Variants in CPNE9 observed in about 807,000 individuals in gnomAD.
CPNE9 encodes the protein copine family member 9.
Under a neutral mutation model 83.0 loss-of-function variants are expected in CPNE9, and 59 were observed. The observed-to-expected ratio is 0.71, with a 90% CI of 0.58 to 0.88. CPNE9 has a LOEUF of 0.88. CPNE9 is among the 40% of genes least tolerant of loss of function. The pLI, the probability that CPNE9 is intolerant of heterozygous loss-of-function variation, is 0.00. For missense variants in CPNE9, 619 were observed against 720.8 expected, an observed-to-expected ratio of 0.86 and a Z score of 1.62; for synonymous variants, 256 against 273.4, an observed-to-expected ratio of 0.94 and a Z score of 0.63.
intron 17 of CPNE9, among the ~76,000 whole-genome samples, chr3:9,719,501 G>A (rs947444639): frequency 6.6e-6 from 1 of 152,072 alleles, no homozygotes; most frequent in Non-Finnish European, 1.5e-5. Flanking sequence ...AAGCAACTTC[G>A]CCTCTTTAAG....
chr3:9,715,844 G>T, intron 13 of CPNE9, 130 bp from the exon 14 acceptor site: 2 of 746,472 alleles, frequency 2.7e-6, no homozygotes, highest in South Asian at 1.7e-5. Context: ...GGGTGGGACT[G>T]ACTGGGGGAG....
At chr3:9,727,552 C>A (rs941415464) in intron 20 of CPNE9, 16 of 617,998 alleles carry the variant, frequency 2.6e-5, no homozygotes, top group Non-Finnish European at 4.4e-5. Flanking sequence ...GGAAAGGGTT[C>A]TTTAGCTTGC....
chr3:9,722,215 G>A (rs545830401), intron 17 of CPNE9, among the ~76,000 whole-genome samples: 2 of 144,348 alleles, frequency 1.4e-5, no homozygotes, highest in African/African-American at 5.3e-5. Flanking sequence ...ATGAGCCACT[G>A]TCCCCGGCCA....
chr3:9,705,078 C>A (rs1351101730), intron 4 of CPNE9, 84 bp downstream of exon 4: 1 of 1,017,018 alleles, frequency 9.8e-7, no homozygotes, highest in Admixed American at 2.0e-5. Flanking sequence ...CCCCGCCTCG[C>A]CTCCGGCCTG....
At chr3:9,718,314 A>T in intron 16 of CPNE9, 104 bp downstream of exon 16, 1 of 1,395,826 alleles carries the variant, frequency 7.2e-7, no homozygotes, top group Non-Finnish European at 9.8e-7. Context: ...GTAGAGGAAC[A>T]GGAAGCTATG....
chr3:9,711,091 G>T (rs913133717), intron 7 of CPNE9, among the ~76,000 whole-genome samples: 21 of 152,184 alleles, frequency 1.4e-4, no homozygotes, highest in Non-Finnish European at 3.1e-4. Context: ...TATAATCACT[G>T]ACTGGAATTC....
chr3:9,716,121 T>A (rs2076681995), intron 14 of CPNE9, 86 bp downstream of exon 14: 1 of 1,207,762 alleles, frequency 8.3e-7, no homozygotes, highest in Non-Finnish European at 1.2e-6. Context: ...TTATGAATGG[T>A]CAGGGCCCAG....
intron 13 of CPNE9, 49 bp from the exon 14 acceptor site, chr3:9,715,924 AC>A: frequency 6.4e-7 from 1 of 1,551,598 alleles, no homozygotes. Context: ...TCCTTCTGCC[AC>A]CCCAACTGCC....
Position 9,729,907 on chromosome 3 carries a change from C to A in CPNE9, c.*215C>A. ...CCAATAATAAAGCTGATCTTTATTC[C>A]ACCTCTGTCTCATGCATGTTGGCGA... On this transcript the variant is annotated 3_prime_UTR_variant, in exon 21 of 21. Transcript: ENST00000383832. 1.7e-6 allele frequency: 1 copy of A among 603,842 alleles called. No individual in the cohort carries two copies. Among genetic ancestry groups the A allele is most frequent in the Non-Finnish European group, 2.7e-6 (1 of 371,720 alleles). The allele number at this position is 603,842 out of a possible 1,614,324, so 37.4% of individuals were successfully genotyped here.
intron 7 of CPNE9, 55 bp from the exon 8 acceptor site, chr3:9,712,486 C>T: frequency 6.8e-7 from 1 of 1,466,106 alleles, no homozygotes; most frequent in Non-Finnish European, 9.6e-7. Flanking sequence ...ACTGGCCACT[C>T]AATCCTTGTT....
chr3:9,719,129 G>C (rs2076711906), intron 17 of CPNE9, among the ~76,000 whole-genome samples: 1 of 151,916 alleles, frequency 6.6e-6, no homozygotes. Context: ...ATGCCACCAT[G>C]CCTGGCTCAT....
chr3:9,705,314 G>T, intron 4 of CPNE9, 150 bp from the exon 5 acceptor site: 1 of 675,284 alleles, frequency 1.5e-6, no homozygotes, highest in South Asian at 1.8e-5. Flanking sequence ...AGCCCACCCT[G>T]ACTCCTCCCC....
chr3:9,721,767 G>A (rs2076736126), intron 17 of CPNE9, among the ~76,000 whole-genome samples: 1 of 152,152 alleles, frequency 6.6e-6, no homozygotes, highest in Non-Finnish European at 1.5e-5. Flanking sequence ...ATAATGGACT[G>A]GGGATAGAGA....
chr3:9,725,099 C>T (rs1174261490), intron 17 of CPNE9, among the ~76,000 whole-genome samples: 1 of 152,190 alleles, frequency 6.6e-6, no homozygotes. Context: ...CCTTCCATCA[C>T]AGCACTCATC....
Position 9,727,180 on chromosome 3 carries a change from C to T in CPNE9, c.1470C>T (p.Ile490=). The change falls in exon 20 of 21, where the codon ATC becomes ATT. Residue 490 remains isoleucine, a synonymous_variant. Coordinates refer to ENST00000383832, the MANE Select transcript of CPNE9 (RefSeq NM_153635.3). ...GGGGACGCTACGCAGAGCGGGACAT[C>T]GTTCAGGTAGACCTGACGTGGGAGA... The part of the protein sequence containing the change: ...SSRGRYAERD[I]VQFVPFRDYV... The T allele has an allele frequency of 1.9e-6, 3 of 1,614,210 alleles. No homozygotes were observed. Among genetic ancestry groups the T allele is most frequent in the Non-Finnish European group, 2.5e-6 (3 of 1,180,020 alleles).
Position 9,704,499 on chromosome 3 carries a change from T to A in CPNE9, c.69-88T>A, listed in dbSNP as rs902341882. On this transcript the variant is annotated intron_variant, in intron 1 of 20. Coordinates refer to ENST00000383832, the MANE Select transcript of CPNE9 (RefSeq NM_153635.3). This position sits in a 1 kb window ranked among gnomAD's most constrained non-coding sequence, Gnocchi z 7.1. ...GGACAGAGGTTCGATGCGGGCCCCATGCCTCTCCTCAGTGCCCGGCTCAGA... is the reference window on the plus strand; with the variant it reads ...GGACAGAGGTTCGATGCGGGCCCCAAGCCTCTCCTCAGTGCCCGGCTCAGA... 6 of 1,149,392 alleles carry A rather than the reference T, an allele frequency of 5.2e-6. No individual in the cohort carries two copies. Among genetic ancestry groups the A allele is most frequent in the African/African-American group, 4.6e-5 (3 of 65,770 alleles). 71.2% of individuals were successfully genotyped at this position (1,149,392 alleles called of 1,614,324 possible).
intron 7 of CPNE9, among the ~76,000 whole-genome samples, chr3:9,708,357 A>C: frequency 6.6e-6 from 1 of 152,232 alleles, no homozygotes; most frequent in East Asian, 1.9e-4. Context: ...AGAGAACCAA[A>C]GGCCAAGGCT....
chr3:9,711,607 T>C (rs569275041), intron 7 of CPNE9, among the ~76,000 whole-genome samples: 1 of 152,284 alleles, frequency 6.6e-6, no homozygotes, highest in Admixed American at 6.5e-5. Context: ...AGTTCAACTC[T>C]CATTCTAAGG....
chr3:9,706,373 G>T (rs1212745209), intron 7 of CPNE9, among the ~76,000 whole-genome samples: 2 of 151,232 alleles, frequency 1.3e-5, no homozygotes, highest in African/African-American at 2.4e-5. Context: ...CCACAGGGAA[G>T]CTCCCCCGGA....
Sources: gnomAD v4.1 joint callset for allele counts (sites outside exome capture counted in the v4.1 genomes callset) on GRCh38, gnomAD v4.1.1 for gene constraint, Gnocchi (gnomAD v3.1) non-coding constraint, MANE v1.5 for transcripts, NCBI Gene and HGNC (gene_info 2026-07-23, HGNC 2026-07-21) for gene names.